Variants in NEK7 observed in about 807,000 individuals in gnomAD.
NEK7 encodes serine/threonine-protein kinase Nek7.
In NEK7, 18 loss-of-function variants were observed where a neutral mutation model predicts 44.6. The observed-to-expected ratio is 0.40, with a 90% CI of 0.28 to 0.60. The LOEUF (loss-of-function observed/expected upper bound fraction) is 0.60. NEK7 is among the 20% of genes least tolerant of loss of function. The probability of loss-of-function intolerance (pLI) is 0.38; values close to 1 mark genes in which losing one functional copy is unlikely to be tolerated. For synonymous variants in NEK7, 130 were observed against 121.1 expected, an observed-to-expected ratio of 1.07 and a Z score of -0.48; for missense variants, 256 against 366.5, an observed-to-expected ratio of 0.70 and a Z score of 2.46.
intron 2 of NEK7, among the ~76,000 whole-genome samples, chr1:198,240,361 C>G (rs1666649783): frequency 6.6e-6 from 1 of 152,090 alleles, no homozygotes; most frequent in South Asian, 2.1e-4. Flanking sequence ...CTCTTGCCTG[C>G]TGCTTTCTTG....
intron 1 of NEK7, among the ~76,000 whole-genome samples, chr1:198,166,544 A>G (rs1447895388): frequency 6.6e-6 from 1 of 152,214 alleles, no homozygotes; most frequent in Non-Finnish European, 1.5e-5. Context: ...CTTGAAGGCC[A>G]TTGTAGGGTT....
chr1:198,318,436 A>G (rs1274187147), intron 9 of NEK7, among the ~76,000 whole-genome samples: 3 of 152,144 alleles, frequency 2.0e-5, no homozygotes, highest in Non-Finnish European at 2.9e-5. Context: ...CATCACTTGT[A>G]TTTTCTCTGG....
At chr1:198,245,278 G>A (rs1666805180) in intron 2 of NEK7, 1 of 169,292 alleles carries the variant, frequency 5.9e-6, no homozygotes, top group Non-Finnish European at 1.5e-5. Flanking sequence ...GATCTGCACA[G>A]TTCAAACTTG....
intron 1 of NEK7, among the ~76,000 whole-genome samples, chr1:198,171,486 C>T (rs1267817779): frequency 2.0e-5 from 3 of 151,964 alleles, no homozygotes; most frequent in African/African-American, 7.2e-5. Context: ...CGAGACCAGC[C>T]TGACCAACAT....
At position 198,232,654 on chromosome 1, in the gene NEK7, A is replaced by C. The variant is rs1325870360; in HGVS notation, c.57+17A>C. The C allele has an allele frequency of 6.8e-7, 1 of 1,480,656 alleles. No homozygotes were observed. The highest frequency in any genetic ancestry group is 1.4e-5 in the African/African-American group (1 of 72,292). The allele number at this position is 1,480,656 out of a possible 1,614,324, so 91.7% of individuals were successfully genotyped here. On this transcript the variant is annotated intron_variant, in intron 2 of 9. Coordinates refer to ENST00000367385, the MANE Select transcript of NEK7 (RefSeq NM_133494.3). ...CAACCACAGGTAATTTATCCTAATT[A>C]AGATGGGCAGAACTATATATAATCT...
intron 1 of NEK7, among the ~76,000 whole-genome samples, chr1:198,171,807 C>T (rs925144792): frequency 6.6e-6 from 1 of 152,090 alleles, no homozygotes; most frequent in Admixed American, 6.5e-5. Flanking sequence ...TGGAATGTCC[C>T]ACCTCTTCTC....
At chr1:198,166,606 C>A (rs949517844) in intron 1 of NEK7, among the ~76,000 whole-genome samples, 2 of 152,058 alleles carry the variant, frequency 1.3e-5, no homozygotes, top group Non-Finnish European at 2.9e-5. Context: ...TAGTGAGGCC[C>A]AAGGAGAGGG....
intron 9 of NEK7, among the ~76,000 whole-genome samples, chr1:198,308,991 G>A (rs183965831): frequency 3.8e-4 from 58 of 152,132 alleles, no homozygotes; most frequent in Non-Finnish European, 7.4e-4. Context: ...CTGTTCATCC[G>A]GTATCCATCC....
chr1:198,282,356 G>A (rs1654230093), intron 7 of NEK7, among the ~76,000 whole-genome samples: 1 of 152,006 alleles, frequency 6.6e-6, no homozygotes. Flanking sequence ...TTTACAGTTT[G>A]GTGTCCTCTA....
chr1:198,198,838 A>G lies in NEK7; in HGVS notation c.-28-33715A>G, dbSNP rs559181432. ...AGCAAAAGCTGATTCTGTAGTCCTT[A>G]TAATTACTACTTCCTGTCAGCCTTT... On this transcript the variant is annotated intron_variant, in intron 1 of 9. Coordinates refer to ENST00000367385, the MANE Select transcript of NEK7 (RefSeq NM_133494.3). Among the ~76,000 whole-genome samples, 133 of 152,348 alleles carry G rather than the reference A, an allele frequency of 8.7e-4. 1 individual carries two copies. Among genetic ancestry groups the G allele is most frequent in the Middle Eastern group, 3.4e-3 (1 of 294 alleles).
At chr1:198,212,666 T>C (rs946842637) in intron 1 of NEK7, among the ~76,000 whole-genome samples, 3 of 152,158 alleles carry the variant, frequency 2.0e-5, no homozygotes, top group African/African-American at 7.2e-5. Context: ...GGTAACACAA[T>C]GGACAGGGAC....
chr1:198,182,796 A>AC (rs1664807151), intron 1 of NEK7, among the ~76,000 whole-genome samples: 1 of 152,168 alleles, frequency 6.6e-6, no homozygotes, highest in African/African-American at 2.4e-5. Context: ...GGGAAAAAAA[A>AC]CTGTGTTGGA....
At chr1:198,192,544 G>A (rs188561846) in intron 1 of NEK7, among the ~76,000 whole-genome samples, 40 of 152,066 alleles carry the variant, frequency 2.6e-4, no homozygotes, top group African/African-American at 9.4e-4. Context: ...GAAATAGTTG[G>A]AGGCAATTTG....
At chr1:198,189,533 C>G (rs1206771134) in intron 1 of NEK7, among the ~76,000 whole-genome samples, 1 of 151,982 alleles carries the variant, frequency 6.6e-6, no homozygotes, top group Non-Finnish European at 1.5e-5. Context: ...GTTGAAAATT[C>G]TAAGGAACAA....
intron 1 of NEK7, among the ~76,000 whole-genome samples, chr1:198,212,473 G>A (rs1249376625): frequency 1.9e-4 from 29 of 152,306 alleles, no homozygotes; most frequent in Non-Finnish European, 1.5e-5. Context: ...CACTCCCAAT[G>A]GGGATTCTTT....
intron 1 of NEK7, among the ~76,000 whole-genome samples, chr1:198,189,224 T>C (rs1665001953): frequency 6.6e-6 from 1 of 152,190 alleles, no homozygotes; most frequent in Non-Finnish European, 1.5e-5. Flanking sequence ...TGGAAAAGAA[T>C]GCTATTTGAA....
At chr1:198,255,202 T>C (rs976889080) in intron 3 of NEK7, among the ~76,000 whole-genome samples, 2 of 152,152 alleles carry the variant, frequency 1.3e-5, no homozygotes, top group Admixed American at 6.6e-5. Flanking sequence ...ATTTGAACCG[T>C]AGGCAATTGA....
At chr1:198,288,246 T>C (rs1473250594) in intron 7 of NEK7, among the ~76,000 whole-genome samples, 3 of 152,216 alleles carry the variant, frequency 2.0e-5, no homozygotes, top group African/African-American at 7.2e-5. Context: ...TAACTTTCAA[T>C]CCCTTCTTAA....
At chr1:198,179,201 G>A (rs1664688811) in intron 1 of NEK7, among the ~76,000 whole-genome samples, 1 of 151,786 alleles carries the variant, frequency 6.6e-6, no homozygotes, top group Admixed American at 6.6e-5. Context: ...TGCATTTTTA[G>A]GCATTCTATA....
Sources: gnomAD v4.1 joint callset for allele counts (sites outside exome capture counted in the v4.1 genomes callset) on GRCh38, gnomAD v4.1.1 for gene constraint, MANE v1.5 for transcripts, NCBI Gene and HGNC (gene_info 2026-07-23, HGNC 2026-07-21) for gene names.